SPDL1: variants seen among roughly 807,000 people sequenced by gnomAD.
SPDL1 encodes protein Spindly.
Under a neutral mutation model 79.5 loss-of-function variants are expected in SPDL1, and 85 were observed. That is an observed-to-expected ratio of 1.07 (90% CI 0.90 to 1.28). The LOEUF (loss-of-function observed/expected upper bound fraction) is 1.28. SPDL1 is among the 50% of genes most tolerant of loss of function. The probability of loss-of-function intolerance (pLI) is 0.00; values close to 1 mark genes in which losing one functional copy is unlikely to be tolerated. For missense variants in SPDL1, 703 were observed against 697.8 expected, an observed-to-expected ratio of 1.01 and a Z score of -0.08; for synonymous variants, 269 against 240.3, an observed-to-expected ratio of 1.12 and a Z score of -1.10.
intron 2 of SPDL1, among the ~76,000 whole-genome samples, chr5:169,590,419 A>G (rs1300236206): frequency 6.6e-6 from 1 of 152,238 alleles, no homozygotes; most frequent in Non-Finnish European, 1.5e-5. Context: ...CCTTTAAAAT[A>G]AAATGGTTTT....
At chr5:169,585,559 G>T (rs1754947713) in intron 1 of SPDL1, among the ~76,000 whole-genome samples, 1 of 152,178 alleles carries the variant, frequency 6.6e-6, no homozygotes, top group Admixed American at 6.5e-5. Flanking sequence ...ATAATTAGAT[G>T]AGATAATATA....
At chr5:169,596,798 T>C in intron 8 of SPDL1, 97 bp downstream of exon 8, 1 of 1,025,818 alleles carries the variant, frequency 9.7e-7, no homozygotes, top group African/African-American at 1.7e-5. Context: ...ATAAATATCT[T>C]GTGGGAGATA....
At chr5:169,588,646 A>G (rs986865915) in intron 2 of SPDL1, 71 bp downstream of exon 2, 37 of 1,357,836 alleles carry the variant, frequency 2.7e-5, no homozygotes, top group Non-Finnish European at 3.7e-5. Context: ...TTAGCAATTA[A>G]TAGTAGTAGT....
rs750619538 is a variant in SPDL1 at position 169,594,651 on chromosome 5, A to T, written c.861A>T (p.Val287=). 1 of 1,613,572 alleles carries T rather than the reference A, an allele frequency of 6.2e-7. No homozygotes were observed. The highest frequency in any genetic ancestry group is 1.1e-5 in the South Asian group (1 of 91,068). ...ATCAGTCACTAAAGAAGCAAAATGT[A>T]TTTAACAGAGAACAGATGCAGAGAA... ...VKYQSLKKQN[V]FNREQMQRMK... The change falls in exon 7 of 12, where the codon GTA becomes GTT. Residue 287 remains valine (V), a synonymous_variant. Coordinates refer to ENST00000265295, the MANE Select transcript of SPDL1 (RefSeq NM_017785.5).
Position 169,604,128 on chromosome 5 carries a change from A to C in SPDL1, c.1739A>C (p.Lys580Thr). Residue 580 changes from lysine (K) to threonine (T), a missense_variant, in exon 12 of 12, where the codon AAA becomes ACA. Lys to Thr is a moderately conservative substitution (Grantham distance 78, BLOSUM62 -1). Coordinates refer to ENST00000265295, the MANE Select transcript of SPDL1 (RefSeq NM_017785.5). ...AAAGAAACTTCAAGCAAATTGGAAA[A>C]AGAAACTTGTAAGAAATTACACCCT... The part of the protein sequence containing the change: ...EGKETSSKLE[K>T]ETCKKLHPIL... 6.2e-7 allele frequency: 1 copy of C among 1,613,546 alleles called. No homozygotes were observed. Among genetic ancestry groups the C allele is most frequent in the Non-Finnish European group, 8.5e-7 (1 of 1,179,806 alleles).
chr5:169,592,287 G>A (rs915848228), intron 3 of SPDL1, among the ~76,000 whole-genome samples: 15 of 143,532 alleles, frequency 1.0e-4, no homozygotes, highest in Non-Finnish European at 1.9e-4. Context: ...CATGATCTCG[G>A]CTCACCTGCA....
At chr5:169,588,782 A>T (rs1016326051) in intron 2 of SPDL1, 14 of 384,836 alleles carry the variant, frequency 3.6e-5, no homozygotes, top group Non-Finnish European at 5.5e-5. Context: ...TGAAAGATCA[A>T]GTTATCATTA....
chr5:169,603,972 T>G (rs1581326443), intron 11 of SPDL1, 88 bp from the exon 12 acceptor site: 1 of 1,419,422 alleles, frequency 7.0e-7, no homozygotes, highest in East Asian at 2.4e-5. Flanking sequence ...ATACCATGCC[T>G]TATTGGAGGC....
chr5:169,594,073 A>G (rs1755443716), intron 4 of SPDL1, 72 bp from the exon 5 acceptor site: 4 of 1,303,830 alleles, frequency 3.1e-6, no homozygotes, highest in Non-Finnish European at 4.3e-6. Context: ...ACCACAACTG[A>G]GATAAACTGA....
chr5:169,598,935 C>G, intron 9 of SPDL1, 37 bp from the exon 10 acceptor site: 1 of 1,510,248 alleles, frequency 6.6e-7, no homozygotes, highest in Non-Finnish European at 8.8e-7. Flanking sequence ...TATATGCTGT[C>G]TTAATACTCG....
chr5:169,599,086 C>T lies in SPDL1; in HGVS notation c.1251C>T (p.Leu417=). The T allele has an allele frequency of 6.3e-7, 1 of 1,596,710 alleles. No individual in the cohort carries two copies. The change falls in exon 10 of 12, where the codon CTC becomes CTT. Residue 417 remains leucine, a synonymous_variant. Coordinates refer to ENST00000265295, the MANE Select transcript of SPDL1 (RefSeq NM_017785.5). Reference sequence around the variant, plus strand: ...AACTTTTTGCAAATGAAAGATGCCTCCAGCTTTCAGAAAGTGAAAATATGA... The same window carrying T: ...AACTTTTTGCAAATGAAAGATGCCTTCAGCTTTCAGAAAGTGAAAATATGA... ...ERKLFANERC[L]QLSESENMKL...
intron 1 of SPDL1, among the ~76,000 whole-genome samples, chr5:169,585,110 A>G (rs2113307119): frequency 6.6e-6 from 1 of 152,266 alleles, no homozygotes; most frequent in South Asian, 2.1e-4. Flanking sequence ...CTCTTTGTAG[A>G]TTGATAGGTT....
At chr5:169,591,678 T>TA (rs954167621) in intron 3 of SPDL1, among the ~76,000 whole-genome samples, 1 of 152,248 alleles carries the variant, frequency 6.6e-6, no homozygotes, top group African/African-American at 2.4e-5. Context: ...CTCCAGTTCT[T>TA]ACAATAATAT....
intron 3 of SPDL1, among the ~76,000 whole-genome samples, chr5:169,592,371 C>G (rs1419815359): frequency 6.6e-6 from 1 of 151,808 alleles, no homozygotes; most frequent in Non-Finnish European, 1.5e-5. Context: ...GTGTGCGCCA[C>G]CACGCCCAGC....
chr5:169,593,479 T>G lies in SPDL1; in HGVS notation c.462T>G (p.Arg154=), dbSNP rs1300798201. 6.2e-7 allele frequency: 1 copy of G among 1,614,044 alleles called. No homozygotes were observed. The change falls in exon 4 of 12, where the codon CGT becomes CGG. Residue 154 remains arginine (R), a synonymous_variant. Transcript: ENST00000265295. The stretch of plus-strand genomic sequence containing the variant: ...AGGAACTGCGCGTAATGTCTGAACG[T>G]GTGCAGGAAAGCATGTCTTCAGAGA... ...KSEELRVMSE[R]VQESMSSEML...
At chr5:169,588,215 G>C (rs768509109) in intron 1 of SPDL1, among the ~76,000 whole-genome samples, 179 bp from the exon 2 acceptor site, 1 of 152,150 alleles carries the variant, frequency 6.6e-6, no homozygotes, top group Non-Finnish European at 1.5e-5. Flanking sequence ...TAACAGAATT[G>C]TCAGAACAGT....
intron 8 of SPDL1, among the ~76,000 whole-genome samples, chr5:169,597,660 A>G (rs188005688): frequency 1.0e-3 from 155 of 152,336 alleles, no homozygotes; most frequent in African/African-American, 3.6e-3. Context: ...CTTAGGGAAC[A>G]TTGATATCTT....
chr5:169,597,771 T>A (rs1207656336), intron 8 of SPDL1, among the ~76,000 whole-genome samples: 2 of 152,186 alleles, frequency 1.3e-5, no homozygotes, highest in Non-Finnish European at 2.9e-5. Flanking sequence ...TGTCATAAAA[T>A]CTTAATTAAG....
chr5:169,591,169 T>G lies in SPDL1; in HGVS notation c.281T>G (p.Leu94Trp). ...CAACAAAAAATGCACCTGGAGAAAT[T>G]GGAAGAACAACTAAGCAGAAGCCAT... ...KQQQKMHLEKLEEQLSRSHGQ... is the reference protein window; with the variant it reads ...KQQQKMHLEKWEEQLSRSHGQ... Residue 94 changes from leucine to tryptophan, a missense_variant, in exon 3 of 12, where the codon TTG becomes TGG. Transcript: ENST00000265295. 6.2e-7 allele frequency: 1 copy of G among 1,613,958 alleles called. No individual in the cohort carries two copies. Among genetic ancestry groups the G allele is most frequent in the East Asian group, 2.2e-5 (1 of 44,824 alleles).
Sources: gnomAD v4.1 joint callset for allele counts (sites outside exome capture counted in the v4.1 genomes callset) on GRCh38, gnomAD v4.1.1 for gene constraint, MANE v1.5 for transcripts, NCBI Gene and HGNC (gene_info 2026-07-23, HGNC 2026-07-21) for gene names.